RAD18: variants seen among roughly 807,000 people sequenced by gnomAD.
The protein encoded by RAD18 is RAD18 E3 ubiquitin protein ligase.
A neutral mutation model predicts 60.4 loss-of-function variants in RAD18; 47 were observed. The ratio of observed to expected loss-of-function variants is 0.78; its 90% CI spans 0.62 to 0.99. RAD18 has a LOEUF of 0.99. Ranked by LOEUF, RAD18 falls within the 50% of genes least tolerant of loss-of-function variation. The probability of loss-of-function intolerance (pLI) is 0.00; values close to 1 mark genes in which losing one functional copy is unlikely to be tolerated. For missense variants in RAD18, 640 were observed against 593.3 expected, an observed-to-expected ratio of 1.08 and a Z score of -0.82; for synonymous variants, 225 against 195.5, an observed-to-expected ratio of 1.15 and a Z score of -1.26.
chr3:8,935,249 T>C (rs368071350), intron 7 of RAD18, among the ~76,000 whole-genome samples: 4 of 152,214 alleles, frequency 2.6e-5, no homozygotes, highest in East Asian at 1.9e-4. Flanking sequence ...TATATGTTAA[T>C]AGAAAGAACT....
At chr3:8,925,465 C>T (rs1352190614) in intron 7 of RAD18, among the ~76,000 whole-genome samples, 2 of 152,226 alleles carry the variant, frequency 1.3e-5, no homozygotes, top group East Asian at 1.9e-4. Context: ...GATTCACAGC[C>T]GAATTCCACC....
At chr3:8,945,503 T>C (rs1240212375) in intron 4 of RAD18, among the ~76,000 whole-genome samples, 1 of 141,736 alleles carries the variant, frequency 7.1e-6, no homozygotes, top group Non-Finnish European at 1.5e-5. Context: ...GACGGAGTCT[T>C]ACTCTGTCGC....
intron 11 of RAD18, among the ~76,000 whole-genome samples, chr3:8,897,520 C>T (rs1939810294): frequency 6.6e-6 from 1 of 152,138 alleles, no homozygotes; most frequent in South Asian, 2.1e-4. Flanking sequence ...CCTGAGAACG[C>T]CCAGTTGGAC....
rs1939458371 is a variant in RAD18, at chr3:8,881,355, C to T, written c.*2G>A. On this transcript the variant is annotated 3_prime_UTR_variant, in exon 13 of 13. Transcript: ENST00000264926. ...CATTTGAAAAGTCAGCAAAAGCCCA[C>T]ATTAATTCCTATTACGCTTGTTTCT... 6.3e-7 allele frequency: 1 copy of T among 1,594,072 alleles called. No homozygotes were observed. Among genetic ancestry groups the T allele is most frequent in the African/African-American group, 1.3e-5 (1 of 74,452 alleles).
chr3:8,903,454 C>T (rs1004688321), intron 9 of RAD18, among the ~76,000 whole-genome samples: 1 of 152,136 alleles, frequency 6.6e-6, no homozygotes, highest in African/African-American at 2.4e-5. Context: ...CATTTCCGGC[C>T]GGTTTCCCAG....
intron 11 of RAD18, among the ~76,000 whole-genome samples, chr3:8,896,745 G>A (rs1276648773): frequency 2.6e-5 from 4 of 152,200 alleles, no homozygotes; most frequent in Admixed American, 2.6e-4. Flanking sequence ...CTAGCCCACA[G>A]TGAGACGCAG....
intron 12 of RAD18, among the ~76,000 whole-genome samples, chr3:8,882,030 C>T (rs1253942901): frequency 2.0e-5 from 3 of 152,202 alleles, no homozygotes; most frequent in African/African-American, 4.8e-5. Context: ...TCTGCACACA[C>T]TTGCCAGCTC....
At chr3:8,895,788 A>C (rs1351909871) in intron 11 of RAD18, among the ~76,000 whole-genome samples, 1 of 152,210 alleles carries the variant, frequency 6.6e-6, no homozygotes, top group East Asian at 1.9e-4. Flanking sequence ...CACTTTCATT[A>C]GTTTGTTGTG....
chr3:8,884,733 T>C (rs1939527885), intron 12 of RAD18, among the ~76,000 whole-genome samples: 1 of 152,188 alleles, frequency 6.6e-6, no homozygotes, highest in African/African-American at 2.4e-5. Flanking sequence ...TCCACTTCCT[T>C]AGCAGGGGAG....
chr3:8,884,934 G>A (rs1939531795), intron 12 of RAD18, among the ~76,000 whole-genome samples: 1 of 152,168 alleles, frequency 6.6e-6, no homozygotes, highest in Admixed American at 6.5e-5. Flanking sequence ...GTCTCCAGCA[G>A]GTATTACTAA....
chr3:8,959,174 T>A (rs912302225), intron 1 of RAD18, among the ~76,000 whole-genome samples, 173 bp from the exon 2 acceptor site: 3 of 152,124 alleles, frequency 2.0e-5, no homozygotes, highest in Non-Finnish European at 4.4e-5. Context: ...AATAAAAACT[T>A]CTCTCATATG....
At chr3:8,932,804 A>C (rs933707337) in intron 7 of RAD18, among the ~76,000 whole-genome samples, 2 of 152,208 alleles carry the variant, frequency 1.3e-5, no homozygotes, top group African/African-American at 4.8e-5. Flanking sequence ...GGCAATAAAA[A>C]ATAAATGCAC....
intron 11 of RAD18, among the ~76,000 whole-genome samples, chr3:8,895,538 C>T (rs1939768375): frequency 6.6e-6 from 1 of 152,182 alleles, no homozygotes; most frequent in South Asian, 2.1e-4. Context: ...TTACTGTCTA[C>T]ACCACCAAAC....
chr3:8,948,541 A>G lies in RAD18; in HGVS notation c.163T>C (p.Ser55Pro), dbSNP rs748223724. 8.7e-6 allele frequency: 14 copies of G among 1,613,102 alleles called. No individual in the cohort carries two copies. The highest frequency in any genetic ancestry group is 9.3e-6 in the Non-Finnish European group (11 of 1,179,382). Reference protein sequence around the residue: ...YCSLCIRKFLSYKTQCPTCCV... With the variant: ...YCSLCIRKFLPYKTQCPTCCV... ...CAAGTTGGACACTGAGTTTTATAGG[A>G]CAGAAATTTTCTTATACAGAGAGAG... The change falls in exon 3 of 13, where the codon TCC becomes CCC. Residue 55 changes from serine to proline, a missense_variant. Transcript: ENST00000264926.
chr3:8,910,461 G>A (rs1041694628), intron 9 of RAD18, among the ~76,000 whole-genome samples: 7 of 152,098 alleles, frequency 4.6e-5, no homozygotes, highest in African/African-American at 1.2e-4. Context: ...CTAGCCAGGC[G>A]TGGTGGCAGG....
In RAD18 at chr3:8,941,728, T is replaced by C; in HGVS notation, c.343A>G (p.Lys115Glu). 6.2e-7 allele frequency: 1 copy of C among 1,614,172 alleles called. No homozygotes were observed. The highest frequency in any genetic ancestry group is 8.5e-7 in the Non-Finnish European group (1 of 1,180,002). Reference protein sequence around the residue: ...ASSSSKNLAVKVYTPVASRQS... With the variant: ...ASSSSKNLAVEVYTPVASRQS... Reference sequence around the variant, plus strand: ...CTGGAGGCTACAGGAGTATATACTTTGACAGCAAGATTCTTTGAAGAGGAA... The same window carrying C: ...CTGGAGGCTACAGGAGTATATACTTCGACAGCAAGATTCTTTGAAGAGGAA... Residue 115 changes from lysine (K) to glutamate (E), a missense_variant, in exon 5 of 13, where the codon AAA becomes GAA. Lys to Glu is a moderately conservative substitution (Grantham distance 56). Coordinates refer to ENST00000264926, the MANE Select transcript of RAD18 (RefSeq NM_020165.4).
intron 1 of RAD18, among the ~76,000 whole-genome samples, chr3:8,961,518 C>T (rs1474152293): frequency 2.0e-5 from 3 of 152,130 alleles, no homozygotes; most frequent in Non-Finnish European, 2.9e-5. Flanking sequence ...AAGTTAGCAA[C>T]CATGGATTCT....
chr3:8,935,679 T>C (rs1575555189), intron 7 of RAD18, among the ~76,000 whole-genome samples, 192 bp downstream of exon 7: 1 of 152,094 alleles, frequency 6.6e-6, no homozygotes, highest in African/African-American at 2.4e-5. Context: ...GATCTGGGGA[T>C]TGGAAGGCAG....
chr3:8,894,195 A>G (rs956743894), intron 11 of RAD18, among the ~76,000 whole-genome samples: 4 of 152,222 alleles, frequency 2.6e-5, no homozygotes, highest in African/African-American at 9.7e-5. Context: ...TCTCCTGCCT[A>G]CTTATCAATA....
Sources: gnomAD v4.1 joint callset for allele counts (sites outside exome capture counted in the v4.1 genomes callset) on GRCh38, gnomAD v4.1.1 for gene constraint, MANE v1.5 for transcripts, NCBI Gene and HGNC (gene_info 2026-07-23, HGNC 2026-07-21) for gene names.